Variants in VIT observed in about 807,000 individuals in gnomAD.
VIT encodes the protein vitrin.
A neutral mutation model predicts 78.0 loss-of-function variants in VIT; 99 were observed. The ratio of observed to expected loss-of-function variants is 1.27; its 90% CI spans 1.08 to 1.50. VIT has a LOEUF of 1.50. Among genes scored for constraint, VIT ranks in the 40% most tolerant of loss-of-function variants. The pLI, the probability that VIT is intolerant of heterozygous loss-of-function variation, is 0.00. For synonymous variants in VIT, 374 were observed against 334.3 expected (o/e 1.12, Z -1.29); for missense variants, 1,126 against 875.3 (o/e 1.29, Z -3.61).
chr2:36,796,637 A>C (rs1383726367), intron 12 of VIT, among the ~76,000 whole-genome samples: 1 of 151,290 alleles, frequency 6.6e-6, no homozygotes, highest in African/African-American at 2.4e-5. Flanking sequence ...TTTTTTTTTT[A>C]GTTTTTTGTT....
At chr2:36,807,327 T>C (rs1481836898) in intron 14 of VIT, among the ~76,000 whole-genome samples, 1 of 152,152 alleles carries the variant, frequency 6.6e-6, no homozygotes, top group Non-Finnish European at 1.5e-5. Context: ...CCATCTATTA[T>C]GACCCCCCAC....
At chr2:36,788,205 C>G (rs1665240999) in intron 12 of VIT, among the ~76,000 whole-genome samples, 1 of 152,088 alleles carries the variant, frequency 6.6e-6, no homozygotes, top group Non-Finnish European at 1.5e-5. Context: ...ACCTTTGGTG[C>G]CTATTGCTTA....
chr2:36,783,532 C>T (rs1270143039), intron 11 of VIT, 130 bp downstream of exon 11: 8 of 843,662 alleles, frequency 9.5e-6, no homozygotes, highest in Non-Finnish European at 1.3e-5. Context: ...TCTCTTCTGA[C>T]ACCTTGTTCT....
chr2:36,803,355 G>T (rs1031968577), intron 13 of VIT, among the ~76,000 whole-genome samples: 1 of 152,200 alleles, frequency 6.6e-6, no homozygotes, highest in Non-Finnish European at 1.5e-5. Flanking sequence ...AAGGGAGTCT[G>T]GAAAATGTAG....
chr2:36,726,767 C>T (rs570646474), intron 2 of VIT, among the ~76,000 whole-genome samples: 3 of 139,050 alleles, frequency 2.2e-5, no homozygotes, highest in Non-Finnish European at 3.0e-5. Context: ...TGCAGTGGGC[C>T]GAAATCACAC....
chr2:36,809,297 C>T (rs1356592545), intron 15 of VIT, among the ~76,000 whole-genome samples: 1 of 152,184 alleles, frequency 6.6e-6, no homozygotes, highest in Admixed American at 6.5e-5. Flanking sequence ...GAGCATGATA[C>T]ATTAAAAGGG....
intron 1 of VIT, among the ~76,000 whole-genome samples, chr2:36,701,922 T>G (rs748549793): frequency 2.6e-5 from 4 of 152,194 alleles, no homozygotes; most frequent in Admixed American, 6.5e-5. Context: ...CCCAATCCCA[T>G]GTTCTTGGGA....
At chr2:36,743,644 T>A (rs1667969381) in intron 4 of VIT, among the ~76,000 whole-genome samples, 1 of 152,230 alleles carries the variant, frequency 6.6e-6, no homozygotes, top group African/African-American at 2.4e-5. Context: ...GTTATCCCGA[T>A]TGAGAGTCAT....
intron 12 of VIT, among the ~76,000 whole-genome samples, chr2:36,798,365 A>G (rs1375402818): frequency 6.6e-6 from 1 of 152,182 alleles, no homozygotes; most frequent in Non-Finnish European, 1.5e-5. Flanking sequence ...ATAAAAGCGA[A>G]TGAATGTATG....
chr2:36,782,517 C>G (rs1664827677), intron 10 of VIT, among the ~76,000 whole-genome samples: 1 of 152,244 alleles, frequency 6.6e-6, no homozygotes. Flanking sequence ...TTCCTCCACT[C>G]CGGGGAATCC....
Position 36,805,644 on chromosome 2 carries a change from G to A in VIT, c.1369G>A (p.Glu457Lys). The stretch of plus-strand genomic sequence containing the variant: ...TGAAAATGAGAAGCAGTATGTGGTG[G>A]AGCCCAACTTTGCAAACAAGGTAGA... ...AAENEKQYVV[E>K]PNFANKAVCR... The change falls in exon 14 of 16, where the codon GAG (glutamate) becomes AAG (lysine). Residue 457 changes from glutamate (E) to lysine (K), a missense_variant. Transcript: ENST00000379242. The A allele has an allele frequency of 1.9e-6, 3 of 1,613,812 alleles. No homozygotes were observed. Among genetic ancestry groups the A allele is most frequent in the East Asian group, 2.2e-5 (1 of 44,862 alleles).
intron 14 of VIT, 79 bp from the exon 15 acceptor site, chr2:36,808,392 GC>G (rs1364170308): frequency 4.7e-6 from 7 of 1,500,430 alleles, no homozygotes; most frequent in Non-Finnish European, 5.3e-6. Context: ...TTCTTCACCT[GC>G]CCCGGGGGAT....
chr2:36,789,908 C>G (rs894873134), intron 12 of VIT, among the ~76,000 whole-genome samples: 1 of 152,128 alleles, frequency 6.6e-6, no homozygotes, highest in Non-Finnish European at 1.5e-5. Context: ...AGGAGGACTC[C>G]GGAGCTCAGA....
At chr2:36,808,024 C>T (rs943592999) in intron 14 of VIT, among the ~76,000 whole-genome samples, 2 of 152,224 alleles carry the variant, frequency 1.3e-5, no homozygotes, top group African/African-American at 4.8e-5. Flanking sequence ...CAGGGCTGCT[C>T]TGGAGACATT....
At position 36,751,378 on chromosome 2, in the gene VIT, A is replaced by G. The variant is rs185937202; in HGVS notation, c.276-3543A>G. Among the ~76,000 whole-genome samples the G allele has an allele frequency of 2.0e-5, 3 of 152,364 alleles. No individual in the cohort carries two copies. In the East Asian group the frequency reaches 5.8e-4, roughly 29 times the overall value. ...GCCACTGCACTCCAGCCTGGGTAAC[A>G]GAGTGAGACCCTATCTCAGAATAAA... On this transcript the variant is annotated intron_variant, in intron 4 of 15. Transcript: ENST00000379242.
chr2:36,810,563 C>T (rs1248344187), intron 15 of VIT, among the ~76,000 whole-genome samples: 2 of 152,016 alleles, frequency 1.3e-5, no homozygotes, highest in African/African-American at 2.4e-5. Flanking sequence ...ACACCAATGC[C>T]CTGTAGACAA....
At chr2:36,725,177 C>A (rs1168974599) in intron 2 of VIT, among the ~76,000 whole-genome samples, 1 of 152,146 alleles carries the variant, frequency 6.6e-6, no homozygotes, top group African/African-American at 2.4e-5. Flanking sequence ...TATGGTACGT[C>A]AATTACTCAG....
intron 3 of VIT, among the ~76,000 whole-genome samples, chr2:36,732,507 A>G (rs1667270306): frequency 6.6e-6 from 1 of 152,246 alleles, no homozygotes; most frequent in Non-Finnish European, 1.5e-5. Context: ...ATCATAGTCT[A>G]TAGCTTGAGG....
Position 36,729,421 on chromosome 2 carries a change from T to G in VIT, c.53-5T>G. ...ATTAAATTTTTAAAAATTTTCTTCA[T>G]GTAGTTTTGCTGGTGACTGGAGTAC... On this transcript the variant is annotated splice_region_variant and splice_polypyrimidine_tract_variant and intron_variant, in intron 2 of 15. Coordinates refer to ENST00000379242, the MANE Select transcript of VIT (RefSeq NM_053276.4). The G allele has an allele frequency of 6.3e-7, 1 of 1,594,804 alleles. No individual in the cohort carries two copies. Among genetic ancestry groups the G allele is most frequent in the Non-Finnish European group, 8.5e-7 (1 of 1,173,706 alleles).
Sources: gnomAD v4.1 joint callset for allele counts (sites outside exome capture counted in the v4.1 genomes callset) on GRCh38, gnomAD v4.1.1 for gene constraint, MANE v1.5 for transcripts, NCBI Gene and HGNC (gene_info 2026-07-23, HGNC 2026-07-21) for gene names.